OPCML: variants seen among roughly 807,000 people sequenced by gnomAD.
The protein encoded by OPCML is opioid binding protein/cell adhesion molecule like.
In OPCML, 13 loss-of-function variants were observed where a neutral mutation model predicts 37.8. The observed-to-expected ratio is 0.34, with a 90% CI of 0.22 to 0.55. OPCML has a LOEUF of 0.55. Ranked by LOEUF, OPCML falls within the 20% of genes least tolerant of loss-of-function variation. OPCML has a pLI of 0.91. For synonymous variants in OPCML, 176 were observed against 168.8 expected, an observed-to-expected ratio of 1.04 and a Z score of -0.33; for missense variants, 341 against 435.6, an observed-to-expected ratio of 0.78 and a Z score of 1.93.
chr11:133,384,882 G>A (rs1945011303), intron 1 of OPCML, among the ~76,000 whole-genome samples: 3 of 152,228 alleles, frequency 2.0e-5, no homozygotes, highest in Non-Finnish European at 4.4e-5. Context: ...CTGCAGGAAG[G>A]CCAGAGGTTC....
chr11:133,213,501 G>A (rs981171227), intron 1 of OPCML, among the ~76,000 whole-genome samples: 8 of 152,156 alleles, frequency 5.3e-5, no homozygotes, highest in African/African-American at 1.9e-4. Context: ...ATGCTCTTTA[G>A]AAATTAATGT....
intron 4 of OPCML, among the ~76,000 whole-genome samples, chr11:132,521,795 T>C (rs865804440): frequency 3.9e-4 from 60 of 152,156 alleles, no homozygotes; most frequent in African/African-American, 1.4e-3. Flanking sequence ...AAATTAAAAA[T>C]AAATAAAGTT....
intron 1 of OPCML, among the ~76,000 whole-genome samples, chr11:132,979,991 T>G (rs1393113875): frequency 6.6e-6 from 1 of 152,224 alleles, no homozygotes; most frequent in Non-Finnish European, 1.5e-5. Flanking sequence ...TGCTGAATCT[T>G]GAGTCTAGAT....
At chr11:132,574,778 T>C (rs1257123295) in intron 3 of OPCML, among the ~76,000 whole-genome samples, 1 of 152,026 alleles carries the variant, frequency 6.6e-6, no homozygotes, top group African/African-American at 2.4e-5. Context: ...TTAGACTCAT[T>C]TGGCCTGTGG....
At chr11:132,498,562 G>A (rs901072451) in intron 4 of OPCML, among the ~76,000 whole-genome samples, 4 of 152,190 alleles carry the variant, frequency 2.6e-5, no homozygotes, top group Admixed American at 6.5e-5. Context: ...GTTGGCATTT[G>A]TCAAGATTAC....
intron 1 of OPCML, chr11:133,004,625 C>T: frequency 1.0e-6 from 1 of 985,456 alleles, no homozygotes; most frequent in Non-Finnish European, 1.2e-6. Context: ...CAGTTGCTGC[C>T]CCCACTGCTA....
chr11:132,662,652 T>C lies in OPCML; in HGVS notation c.147-5333A>G, dbSNP rs115008269. 5.6e-3 allele frequency among the ~76,000 whole-genome samples: 858 copies of C among 152,324 alleles called. 6 individuals are homozygous for C. The highest frequency in any genetic ancestry group is 0.019 in the African/African-American group (806 of 41,586). Reference sequence around the variant, plus strand: ...GGAATGGAGAGTGTATCATGGGAACTGTGGATATATTTGGAACAGAATTCC... The same window carrying C: ...GGAATGGAGAGTGTATCATGGGAACCGTGGATATATTTGGAACAGAATTCC... On this transcript the variant is annotated intron_variant, in intron 2 of 7. Coordinates refer to ENST00000524381, the MANE Select transcript of OPCML (RefSeq NM_001012393.5).
chr11:132,782,917 G>GTATATA (rs59984496), intron 2 of OPCML, among the ~76,000 whole-genome samples: 3,678 of 124,858 alleles, frequency 0.029, 53 homozygotes, highest in African/African-American at 0.042. Context: ...TATAGTGTGT[G>GTATATA]TATATATATA....
intron 1 of OPCML, among the ~76,000 whole-genome samples, chr11:133,203,615 C>T (rs117126992): frequency 1.8e-4 from 28 of 152,228 alleles, no homozygotes; most frequent in Middle Eastern, 3.4e-3. Flanking sequence ...GTAAGTCATT[C>T]GCAATATCTG....
At chr11:132,629,270 AC>A (rs1257771626) in intron 3 of OPCML, among the ~76,000 whole-genome samples, 1 of 152,144 alleles carries the variant, frequency 6.6e-6, no homozygotes, top group African/African-American at 2.4e-5. Flanking sequence ...TGCATGTCCT[AC>A]CATATCTAAT....
intron 2 of OPCML, among the ~76,000 whole-genome samples, chr11:132,704,425 A>G (rs1943952329): frequency 6.6e-6 from 1 of 152,236 alleles, no homozygotes; most frequent in Admixed American, 6.5e-5. Context: ...GTTTAAAGCC[A>G]GTAGCAGTAA....
At chr11:133,312,733 A>G (rs1943094457) in intron 1 of OPCML, among the ~76,000 whole-genome samples, 1 of 152,216 alleles carries the variant, frequency 6.6e-6, no homozygotes, top group Non-Finnish European at 1.5e-5. Context: ...GCTAAAAAAT[A>G]GAGTTTTTTA....
intron 2 of OPCML, among the ~76,000 whole-genome samples, chr11:132,823,910 G>T (rs1213730808): frequency 1.3e-5 from 2 of 152,104 alleles, no homozygotes; most frequent in African/African-American, 4.8e-5. Flanking sequence ...CTTCTGACAT[G>T]CACTCTCTTG....
chr11:132,480,182 A>T (rs951686245), intron 4 of OPCML, among the ~76,000 whole-genome samples: 1 of 152,224 alleles, frequency 6.6e-6, no homozygotes, highest in Admixed American at 6.5e-5. Flanking sequence ...AAAGGAGCTG[A>T]TGGAGCTGAA....
intron 1 of OPCML, among the ~76,000 whole-genome samples, chr11:133,273,175 G>T (rs1941900124): frequency 6.6e-6 from 1 of 152,142 alleles, no homozygotes; most frequent in South Asian, 2.1e-4. Context: ...ATTCTAGCTG[G>T]GGTCAAAGGA....
chr11:133,165,157 C>T lies in OPCML; in HGVS notation c.62-222147G>A, dbSNP rs1452575480. 3.9e-5 allele frequency among the ~76,000 whole-genome samples: 6 copies of T among 152,244 alleles called. No individual in the cohort carries two copies. The South Asian group carries it at 8.3e-4, about 21-fold the overall frequency. ...GCCGAGCCACAGTCCAGCAAGCTGC[C>T]GCGCAGCCGCATGGCCTCAGCTCTC... On this transcript the variant is annotated intron_variant, in intron 1 of 7. Coordinates refer to ENST00000524381, the MANE Select transcript of OPCML (RefSeq NM_001012393.5).
intron 3 of OPCML, among the ~76,000 whole-genome samples, chr11:132,532,981 T>C (rs2096330194): frequency 6.6e-6 from 1 of 152,234 alleles, no homozygotes; most frequent in Admixed American, 6.5e-5. Flanking sequence ...TTGGCAGATC[T>C]TTGTTTAATT....
intron 1 of OPCML, among the ~76,000 whole-genome samples, chr11:133,117,289 G>A (rs1949351551): frequency 6.6e-6 from 1 of 152,152 alleles, no homozygotes; most frequent in South Asian, 2.1e-4. Context: ...AGGAGTTTGT[G>A]TTGCTACTGA....
At chr11:132,461,604 C>T (rs2096102046) in intron 4 of OPCML, among the ~76,000 whole-genome samples, 1 of 152,092 alleles carries the variant, frequency 6.6e-6, no homozygotes, top group Admixed American at 6.5e-5. Context: ...TAATTAGACC[C>T]TGGGAGCAAG....
Sources: gnomAD v4.1 joint callset for allele counts (sites outside exome capture counted in the v4.1 genomes callset) on GRCh38, gnomAD v4.1.1 for gene constraint, MANE v1.5 for transcripts, NCBI Gene and HGNC (gene_info 2026-07-23, HGNC 2026-07-21) for gene names.